The following CORIN variants were observed in gnomAD, a reference collection of about 807,000 sequenced individuals.
The protein encoded by CORIN is atrial natriuretic peptide-converting enzyme.
Under a neutral mutation model 125.3 loss-of-function variants are expected in CORIN, and 117 were observed. That is an observed-to-expected ratio of 0.93 (90% CI 0.80 to 1.09). CORIN has a LOEUF of 1.09. CORIN is among the 50% of genes least tolerant of loss of function. CORIN has a pLI of 0.00. For missense variants in CORIN, 1,253 were observed against 1,306.7 expected, an observed-to-expected ratio of 0.96 and a Z score of 0.63; for synonymous variants, 450 against 466.4, an observed-to-expected ratio of 0.96 and a Z score of 0.45.
At chr4:47,770,522 A>C (rs913736379) in intron 3 of CORIN, among the ~76,000 whole-genome samples, 2 of 152,174 alleles carry the variant, frequency 1.3e-5, no homozygotes, top group Non-Finnish European at 2.9e-5. Context: ...CCCCAATACT[A>C]GCTGTATATT....
At position 47,665,248 on chromosome 4, in the gene CORIN, A is replaced by T; in HGVS notation, c.1373T>A (p.Ile458Asn). ...CAAATTCATGCAGAGTTCCAATGTA[A>T]TTGGTTCACATTGACCTAACAAAGA... ...SLNNCSQCEP[I>N]TLELCMNLPY... The change falls in exon 11 of 22, where the codon ATT (isoleucine) becomes AAT (asparagine). Residue 458 changes from isoleucine to asparagine, a missense_variant. By Grantham distance (149) the Ile-to-Asn change is moderately radical. Coordinates refer to ENST00000273857, the MANE Select transcript of CORIN (RefSeq NM_006587.4). 6.2e-7 allele frequency: 1 copy of T among 1,611,132 alleles called. No homozygotes were observed.
intron 21 of CORIN, among the ~76,000 whole-genome samples, chr4:47,596,477 A>G (rs1489873725): frequency 6.6e-6 from 1 of 152,232 alleles, no homozygotes; most frequent in Non-Finnish European, 1.5e-5. Flanking sequence ...ACTTAAAATT[A>G]TAATGAATCA....
chr4:47,815,722 T>A (rs1732237094), intron 1 of CORIN, among the ~76,000 whole-genome samples: 1 of 152,166 alleles, frequency 6.6e-6, no homozygotes, highest in Non-Finnish European at 1.5e-5. Context: ...CAGCCTATAT[T>A]TTTTAAAACA....
chr4:47,743,700 C>A (rs1728524208), intron 5 of CORIN, among the ~76,000 whole-genome samples: 1 of 152,212 alleles, frequency 6.6e-6, no homozygotes, highest in African/African-American at 2.4e-5. Flanking sequence ...GCCTGGCCAA[C>A]ATGGCGAAAC....
chr4:47,740,235 T>C (rs1728324289), intron 5 of CORIN, among the ~76,000 whole-genome samples: 1 of 151,960 alleles, frequency 6.6e-6, no homozygotes, highest in South Asian at 2.1e-4. Flanking sequence ...TAGGTGCCTA[T>C]GTGTTTACAC....
At chr4:47,775,219 TC>T (rs1283735880) in intron 3 of CORIN, among the ~76,000 whole-genome samples, 2 of 149,512 alleles carry the variant, frequency 1.3e-5, no homozygotes, top group African/African-American at 5.1e-5. Flanking sequence ...TTATTATCTT[TC>T]TTTTTTTTTC....
At chr4:47,785,067 T>A (rs970470652) in intron 3 of CORIN, among the ~76,000 whole-genome samples, 2 of 152,264 alleles carry the variant, frequency 1.3e-5, no homozygotes, top group East Asian at 3.8e-4. Context: ...TAAGATGTGA[T>A]ATCCCTTTGT....
At chr4:47,644,206 A>G (rs1420843651) in intron 14 of CORIN, among the ~76,000 whole-genome samples, 1 of 152,200 alleles carries the variant, frequency 6.6e-6, no homozygotes, top group Admixed American at 6.5e-5. Flanking sequence ...CCTTAATGAT[A>G]TCTTGGAGAT....
chr4:47,749,818 G>A (rs1254159566), intron 4 of CORIN, among the ~76,000 whole-genome samples: 1 of 152,126 alleles, frequency 6.6e-6, no homozygotes, highest in African/African-American at 2.4e-5. Flanking sequence ...GCTGTTCAGT[G>A]AAAAATGCTC....
chr4:47,685,328 G>T (rs1725461872), intron 6 of CORIN, among the ~76,000 whole-genome samples: 1 of 152,116 alleles, frequency 6.6e-6, no homozygotes, highest in African/African-American at 2.4e-5. Flanking sequence ...ATACTACTCG[G>T]TGATTAAAAG....
intron 17 of CORIN, 82 bp downstream of exon 17, chr4:47,626,318 CTTAAG>C: frequency 1.2e-6 from 1 of 830,894 alleles, no homozygotes; most frequent in Non-Finnish European, 2.1e-6. Flanking sequence ...TTTGGATTAT[CTTAAG>C]TTAAAAAATG....
At chr4:47,688,190 T>C (rs1725606251) in intron 6 of CORIN, among the ~76,000 whole-genome samples, 1 of 152,208 alleles carries the variant, frequency 6.6e-6, no homozygotes, top group African/African-American at 2.4e-5. Flanking sequence ...GCAATCCAGC[T>C]TCTAGTAATC....
intron 2 of CORIN, among the ~76,000 whole-genome samples, chr4:47,788,123 A>C (rs1005949344): frequency 6.6e-6 from 1 of 152,230 alleles, no homozygotes; most frequent in African/African-American, 2.4e-5. Context: ...CACGAAAATA[A>C]ATGAATGTGA....
chr4:47,758,880 C>T (rs1445678103), intron 4 of CORIN, among the ~76,000 whole-genome samples: 2 of 152,256 alleles, frequency 1.3e-5, no homozygotes, highest in African/African-American at 4.8e-5. Flanking sequence ...CCATGCAGAA[C>T]TGTGAGTCAA....
At position 47,718,873 on chromosome 4, in the gene CORIN, T is replaced by C. The variant is rs76298463; in HGVS notation, c.799+25529A>G. ...GTTGAGTCATTACCCACAACTCCTA[T>C]GGGTCCCAAGGGAGGACAGTTGTCA... On this transcript the variant is annotated intron_variant, in intron 5 of 21. Coordinates refer to ENST00000273857, the MANE Select transcript of CORIN (RefSeq NM_006587.4). Among the ~76,000 whole-genome samples the C allele has an allele frequency of 2.9e-3, 445 of 152,314 alleles. 2 individuals carry two copies. Among genetic ancestry groups the C allele is most frequent in the South Asian group, 4.4e-3 (21 of 4,822 alleles).
At chr4:47,649,963 A>G (rs1723668569) in intron 13 of CORIN, among the ~76,000 whole-genome samples, 1 of 152,164 alleles carries the variant, frequency 6.6e-6, no homozygotes, top group Non-Finnish European at 1.5e-5. Context: ...TAGTATTTGG[A>G]GTGTTAAGAA....
In CORIN at chr4:47,763,458, G is replaced by A. The variant is rs199725087; in HGVS notation, c.538C>T (p.Arg180Cys). The A allele has an allele frequency of 8.5e-5, 138 of 1,614,136 alleles. No individual in the cohort carries two copies. The highest frequency in any genetic ancestry group is 6.0e-4 in the East Asian group (27 of 44,874). The change falls in exon 4 of 22, where the codon CGC becomes TGC. Residue 180 changes from arginine (R) to cysteine (C), a missense_variant. Physicochemically the swap from Arg to Cys is radical, Grantham distance 180 (BLOSUM62 -3). Transcript: ENST00000273857. ...KFLKFFTYLH[R>C]LSCYQHIMLF... ...ATGATATGTTGATAGCAACTGAGGC[G>A]ATGGAGATATGTGAAAAACTTGAGG...
intron 6 of CORIN, among the ~76,000 whole-genome samples, chr4:47,692,554 T>C (rs1269186603): frequency 7.0e-6 from 1 of 142,730 alleles, no homozygotes; most frequent in Non-Finnish European, 1.5e-5. Context: ...GGAAGAAGCA[T>C]AAAAAAAAAA....
chr4:47,623,987 C>T, intron 17 of CORIN, 39 bp from the exon 18 acceptor site: 1 of 1,560,914 alleles, frequency 6.4e-7, no homozygotes, highest in Non-Finnish European at 8.8e-7. Context: ...CATTAAGTTA[C>T]ATATTTCTTG....
Sources: gnomAD v4.1 joint callset for allele counts (sites outside exome capture counted in the v4.1 genomes callset) on GRCh38, gnomAD v4.1.1 for gene constraint, MANE v1.5 for transcripts, NCBI Gene and HGNC (gene_info 2026-07-23, HGNC 2026-07-21) for gene names.